Variants in ADAM12 observed in about 807,000 individuals in gnomAD.
ADAM12 encodes the protein ADAM metallopeptidase domain 12, also known as disintegrin and metalloproteinase domain-containing protein 12.
ADAM12 carries 70 observed loss-of-function variants against 106.4 expected under a neutral mutation model. The ratio of observed to expected loss-of-function variants is 0.66; its 90% CI spans 0.54 to 0.80. ADAM12 has a LOEUF of 0.80. Ranked by LOEUF, ADAM12 falls within the 30% of genes least tolerant of loss-of-function variation. ADAM12 has a pLI of 0.00. For missense variants in ADAM12, 1,010 were observed against 1,171.9 expected, an observed-to-expected ratio of 0.86 and a Z score of 2.02; for synonymous variants, 420 against 433.5, an observed-to-expected ratio of 0.97 and a Z score of 0.39.
chr10:126,141,537 TA>T (rs1309843201), intron 4 of ADAM12, among the ~76,000 whole-genome samples: 12 of 152,352 alleles, frequency 7.9e-5, no homozygotes, highest in Admixed American at 6.5e-5. Context: ...CCCACTCCAG[TA>T]GAACAACTTT....
At chr10:126,340,240 G>A (rs1456272242) in intron 1 of ADAM12, among the ~76,000 whole-genome samples, 4 of 152,124 alleles carry the variant, frequency 2.6e-5, no homozygotes, top group Non-Finnish European at 2.9e-5. Flanking sequence ...CCTGAAGAAT[G>A]GATAAATGAG....
intron 3 of ADAM12, among the ~76,000 whole-genome samples, chr10:126,175,646 C>T (rs955561048): frequency 6.6e-6 from 1 of 152,174 alleles, no homozygotes; most frequent in Non-Finnish European, 1.5e-5. Context: ...TCGTTTCATT[C>T]GAGTGGCGAG....
chr10:126,366,413 C>T (rs906325268), intron 1 of ADAM12, among the ~76,000 whole-genome samples: 2 of 151,914 alleles, frequency 1.3e-5, no homozygotes, highest in African/African-American at 4.8e-5. Flanking sequence ...ATTCTAATTC[C>T]TATGGCAAAC....
intron 1 of ADAM12, among the ~76,000 whole-genome samples, chr10:126,346,388 A>G (rs1333413556): frequency 6.6e-6 from 1 of 152,150 alleles, no homozygotes; most frequent in Non-Finnish European, 1.5e-5. Flanking sequence ...TCTGAGAGAT[A>G]GTTTGTTATA....
rs1161587462 is a variant in ADAM12, at chr10:126,016,024, A to G, written c.*1255T>C. The G allele has an allele frequency of 6.6e-6, 1 of 152,168 alleles. No homozygotes were observed. The highest frequency in any genetic ancestry group is 1.5e-5 in the Non-Finnish European group (1 of 68,034). 9.4% of individuals were successfully genotyped at this position (152,168 alleles called of 1,614,324 possible). A position where few individuals can be genotyped will look rare whatever the true frequency, so the allele number is the denominator to read the frequency against. ...TCCTTATCACATTCTGTGATGCTCA[A>G]CAGGTAGGTTGCAAGTGTTTAAGAA... On this transcript the variant is annotated 3_prime_UTR_variant, in exon 23 of 23. Coordinates refer to ENST00000448723, the MANE Select transcript of ADAM12 (RefSeq NM_001288973.2).
chr10:126,243,473 C>CTGTGTGTGTG (rs1215369145), intron 3 of ADAM12, among the ~76,000 whole-genome samples: 41 of 97,258 alleles, frequency 4.2e-4, no homozygotes, highest in East Asian at 3.6e-3. Context: ...GGGAGCAACT[C>CTGTGTGTGTG]TGTGTGTGTG....
At chr10:126,031,726 G>A (rs1953974256) in intron 21 of ADAM12, among the ~76,000 whole-genome samples, 1 of 152,168 alleles carries the variant, frequency 6.6e-6, no homozygotes, top group Non-Finnish European at 1.5e-5. Context: ...AATATTATAT[G>A]TTGCATATAA....
At chr10:126,322,899 A>G (rs1564732860) in intron 2 of ADAM12, among the ~76,000 whole-genome samples, 1 of 152,122 alleles carries the variant, frequency 6.6e-6, no homozygotes, top group Non-Finnish European at 1.5e-5. Flanking sequence ...TCTCTCCATA[A>G]TGATGGGTTA....
chr10:126,178,407 T>C (rs533873140), intron 3 of ADAM12, among the ~76,000 whole-genome samples: 37 of 101,560 alleles, frequency 3.6e-4, no homozygotes, highest in African/African-American at 2.1e-3. Flanking sequence ...TTGGAGGACA[T>C]CTTTTTTTTT....
chr10:126,322,408 CCCGGGGCAAT>C (rs1428342398), intron 2 of ADAM12, among the ~76,000 whole-genome samples: 1 of 152,230 alleles, frequency 6.6e-6, no homozygotes, highest in Non-Finnish European at 1.5e-5. Context: ...TGGTTCTCAA[CCCGGGGCAAT>C]TTTACACCCC....
chr10:126,211,578 TCTGGATCATGTGATC>T (rs1957901809), intron 3 of ADAM12, among the ~76,000 whole-genome samples: 1 of 151,428 alleles, frequency 6.6e-6, no homozygotes, highest in African/African-American at 2.4e-5. Flanking sequence ...ATCTCTGCCT[TCTGGATCATGTGATC>T]CTGGACCCTC....
At position 126,388,179 on chromosome 10, in the gene ADAM12, C is replaced by T; in HGVS notation, c.-34G>A. ...GCCTTCAGTGCAGCAGCTCTCGGGC[C>T]CGGCGGCGAGCGCTGCACCATCCCA... On this transcript the variant is annotated 5_prime_UTR_variant, in exon 1 of 23. Coordinates refer to ENST00000448723, the MANE Select transcript of ADAM12 (RefSeq NM_001288973.2). This position sits in a 1 kb window ranked among gnomAD's most constrained non-coding sequence, Gnocchi z 4.4. 8.3e-7 allele frequency: 1 copy of T among 1,203,388 alleles called. No homozygotes were observed. The allele number at this position is 1,203,388 out of a possible 1,614,324, so 74.5% of individuals were successfully genotyped here.
chr10:126,121,767 C>T (rs1188641338), intron 5 of ADAM12, among the ~76,000 whole-genome samples: 4 of 151,892 alleles, frequency 2.6e-5, no homozygotes, highest in Non-Finnish European at 5.9e-5. Flanking sequence ...TCATTGATGG[C>T]CCATTCGTAG....
At position 126,036,232 on chromosome 10, in the gene ADAM12, C is replaced by G; in HGVS notation, c.2443G>C (p.Val815Leu). The part of the protein sequence containing the change: ...NVPQPQSTQR[V>L]LPPLHRAPRA... ...GGAGCCCGGTGGAGGGGAGGAAGCACTCGCTGAGTTGACTGGGGCTGAGGG... is the reference window on the plus strand; with the variant it reads ...GGAGCCCGGTGGAGGGGAGGAAGCAGTCGCTGAGTTGACTGGGGCTGAGGG... The change falls in exon 21 of 23, where the codon GTG (valine) becomes CTG (leucine). Residue 815 changes from valine to leucine, a missense_variant. Physicochemically the swap from Val to Leu is conservative, Grantham distance 32 (BLOSUM62 1). Around this residue, in one of 3 missense-constraint regions of ADAM12, gnomAD observed 615 missense variants for 708.5 expected, o/e 0.87. Coordinates refer to ENST00000448723, the MANE Select transcript of ADAM12 (RefSeq NM_001288973.2). The G allele has an allele frequency of 6.4e-7, 1 of 1,551,112 alleles. No individual in the cohort carries two copies. The highest frequency in any genetic ancestry group is 8.7e-7 in the Non-Finnish European group (1 of 1,154,426).
rs148522376 is a variant in ADAM12 at position 126,016,884 on chromosome 10, G to C, written c.*395C>G. 6.0e-4 allele frequency: 97 copies of C among 160,534 alleles called. No individual in the cohort carries two copies. In the South Asian group the frequency reaches 9.3e-3, roughly 15 times the overall value. 9.9% of individuals were successfully genotyped at this position (160,534 alleles called of 1,614,324 possible). Reference sequence around the variant, plus strand: ...GCATCTGGTACCATAAGCACAGCTGGGGGTAGTTGGGGGACTGCTTTCCAA... The same window carrying C: ...GCATCTGGTACCATAAGCACAGCTGCGGGTAGTTGGGGGACTGCTTTCCAA... On this transcript the variant is annotated 3_prime_UTR_variant, in exon 23 of 23. Transcript: ENST00000448723.
intron 3 of ADAM12, among the ~76,000 whole-genome samples, chr10:126,270,159 T>C (rs1020539326): frequency 5.3e-5 from 8 of 152,206 alleles, no homozygotes; most frequent in African/African-American, 1.2e-4. Flanking sequence ...CCTGAGTCTA[T>C]AGTCATGCTT....
intron 3 of ADAM12, among the ~76,000 whole-genome samples, chr10:126,167,171 G>A (rs561383150): frequency 3.9e-5 from 6 of 152,150 alleles, no homozygotes; most frequent in East Asian, 1.9e-4. Context: ...GGCACTTTAC[G>A]TGTATTTTTA....
intron 21 of ADAM12, among the ~76,000 whole-genome samples, chr10:126,023,670 T>G (rs1442122938): frequency 6.6e-6 from 1 of 152,246 alleles, no homozygotes; most frequent in Non-Finnish European, 1.5e-5. Context: ...ACAAGGAGCA[T>G]TCTTCTGGTG....
rs79054556 is a variant in ADAM12, at chr10:126,115,082, C to T, written c.603+2956G>A. On this transcript the variant is annotated intron_variant, in intron 6 of 22. Transcript: ENST00000448723. ...AATGGCCACCTTCGAGGAAGCAAAA[C>T]AGCACCTCCCCAACTCGCTGTCCTA... 9.2e-3 allele frequency among the ~76,000 whole-genome samples: 1,408 copies of T among 152,276 alleles called. 29 individuals carry two copies. Among genetic ancestry groups the T allele is most frequent in the Admixed American group, 0.052 (790 of 15,302 alleles).
Sources: allele counts gnomAD v4.1 joint callset (sites outside exome capture counted in the v4.1 genomes callset), GRCh38; gene constraint gnomAD v4.1.1; regional missense constraint gnomAD v4.1.1; non-coding constraint Gnocchi (gnomAD v3.1); transcripts MANE v1.5; gene names NCBI Gene and HGNC (gene_info 2026-07-23, HGNC 2026-07-21).